VCPIP1: variants seen among roughly 807,000 people sequenced by gnomAD.
The protein encoded by VCPIP1 is deubiquitinating protein VCPIP1.
VCPIP1 carries 8 observed loss-of-function variants against 85.0 expected under a neutral mutation model. That is an observed-to-expected ratio of 0.09 (90% CI 0.06 to 0.17). VCPIP1 has a LOEUF of 0.17. Among genes scored for constraint, VCPIP1 ranks in the 10% least tolerant of loss-of-function variants. The probability of loss-of-function intolerance (pLI) is 1.00; values close to 1 mark genes in which losing one functional copy is unlikely to be tolerated. For synonymous variants in VCPIP1, 543 were observed against 544.5 expected, an observed-to-expected ratio of 1.00 and a Z score of 0.04; for missense variants, 1,070 against 1,486.3, an observed-to-expected ratio of 0.72 and a Z score of 4.61.
intron 2 of VCPIP1, among the ~76,000 whole-genome samples, chr8:66,641,442 C>T (rs1192452350): frequency 2.0e-5 from 3 of 152,172 alleles, no homozygotes; most frequent in African/African-American, 7.2e-5. Context: ...GCAATCATAG[C>T]TCACTGCGAT....
chr8:66,650,860 CAAAAAAAAAAAAAAAAAAA>C lies in VCPIP1; in HGVS notation c.2797+579_2797+597del, dbSNP rs770736039. 3.6e-4 allele frequency among the ~76,000 whole-genome samples: 5 copies of C among 13,916 alleles called. No homozygotes were observed. In the Admixed American group the frequency reaches 4.9e-3, roughly 14 times the overall value. 9.1% of individuals were successfully genotyped at this position (13,916 alleles called of 152,430 possible). ...GGGGGACAAGAGCAAGACTTCGTCT[CAAAAAAAAAAAAAAAAAAA>C]AAAAAAAAAAGAATCATACACATGG... On this transcript the variant is annotated intron_variant, in intron 2 of 2. Coordinates refer to ENST00000310421, the MANE Select transcript of VCPIP1 (RefSeq NM_025054.5).
At chr8:66,647,111 G>A (rs142087781) in intron 2 of VCPIP1, among the ~76,000 whole-genome samples, 303 of 152,286 alleles carry the variant, frequency 2.0e-3, no homozygotes, top group Non-Finnish European at 2.9e-3. Context: ...GGGAGGCCAA[G>A]GCGGATGGAC....
Position 66,666,640 on chromosome 8 carries a change from T to G in VCPIP1, c.319A>C (p.Thr107Pro). 1 of 1,614,154 alleles carries G rather than the reference T, an allele frequency of 6.2e-7. No individual in the cohort carries two copies. Among genetic ancestry groups the G allele is most frequent in the Non-Finnish European group, 8.5e-7 (1 of 1,180,026 alleles). Reference sequence around the variant, plus strand: ...TCCGTGTTCTTCTTGGGTGCCCCCGTAACCCCGAGCAGCGCGTTCCGCAGC... The same window carrying G: ...TCCGTGTTCTTCTTGGGTGCCCCCGGAACCCCGAGCAGCGCGTTCCGCAGC... ...NLLRNALLGVTGAPKKNTELV... is the reference protein window; with the variant it reads ...NLLRNALLGVPGAPKKNTELV... The change falls in exon 1 of 3, where the codon ACG becomes CCG. Residue 107 changes from threonine to proline, a missense_variant. This residue lies in a region of VCPIP1 where 164 missense variants were observed against 158.6 expected (regional missense o/e 1.03). Transcript: ENST00000310421. This position sits in a 1 kb window ranked among gnomAD's most constrained non-coding sequence, Gnocchi z 6.3.
chr8:66,651,584 A>G, intron 1 of VCPIP1, 40 bp from the exon 2 acceptor site: 1 of 1,545,434 alleles, frequency 6.5e-7, no homozygotes, highest in Non-Finnish European at 8.9e-7. Flanking sequence ...CAACAAACAA[A>G]AGAGTTCCAT....
At chr8:66,653,508 C>G (rs1811072307) in intron 1 of VCPIP1, 1 of 152,148 alleles carries the variant, frequency 6.6e-6, no homozygotes, top group Non-Finnish European at 1.5e-5. Context: ...ACTGACTGTT[C>G]AGTTACAGTT....
At position 66,630,976 on chromosome 8, in the gene VCPIP1, AT is replaced by A. The variant is rs1473548626; in HGVS notation, c.*3524del. 3 of 152,346 alleles carry A rather than the reference AT, an allele frequency of 2.0e-5. No homozygotes were observed. Among genetic ancestry groups the A allele is most frequent in the Non-Finnish European group, 2.9e-5 (2 of 67,988 alleles). The allele number at this position is 152,346 out of a possible 1,614,324, so 9.4% of individuals were successfully genotyped here. ...CTGTGAAGAGCCTTAAGGTTGTACA[AT>A]TTTGTTAAATTATATGATAACCTTG... On this transcript the variant is annotated 3_prime_UTR_variant, in exon 3 of 3. Coordinates refer to ENST00000310421, the MANE Select transcript of VCPIP1 (RefSeq NM_025054.5).
chr8:66,642,633 A>G (rs1479481086), intron 2 of VCPIP1, among the ~76,000 whole-genome samples: 4 of 152,208 alleles, frequency 2.6e-5, no homozygotes, highest in Admixed American at 2.6e-4. Flanking sequence ...TCAAACTTCA[A>G]TATTTTGCAT....
rs3808602 is a variant in VCPIP1, at chr8:66,665,435, G to A, written c.1524C>T (p.Tyr508=). 73,001 of 1,614,096 alleles carry A rather than the reference G, an allele frequency of 0.045. 6,763 individuals are homozygous for A. Among genetic ancestry groups the A allele is most frequent in the African/African-American group, 0.38 (28,500 of 74,958 alleles). Residue 508 remains tyrosine, a synonymous_variant, in exon 1 of 3, where the codon TAC becomes TAT. Coordinates refer to ENST00000310421, the MANE Select transcript of VCPIP1 (RefSeq NM_025054.5). This position sits in a 1 kb window ranked among gnomAD's most constrained non-coding sequence, Gnocchi z 4.3. ...AAACCAAATTGTTCAAGGGAAAGCT[G>A]TAATTTTTGTCAGTCCTCAGCTGTC... is the stretch of plus-strand genomic sequence containing the variant. ...THGQLRTDKN[Y]SFPLNNLVCS...
At chr8:66,663,759 T>A (rs1299861718) in intron 1 of VCPIP1, among the ~76,000 whole-genome samples, 1 of 152,198 alleles carries the variant, frequency 6.6e-6, no homozygotes. Flanking sequence ...AAAAATGTGA[T>A]GAACTGGGAA....
At chr8:66,662,658 G>A (rs969205761) in intron 1 of VCPIP1, among the ~76,000 whole-genome samples, 2 of 151,908 alleles carry the variant, frequency 1.3e-5, no homozygotes, top group Non-Finnish European at 2.9e-5. Flanking sequence ...GGAGATTGAA[G>A]GTCTTTTATT....
rs1322293762 is a variant in VCPIP1 at position 66,666,979 on chromosome 8, C to T, written c.-21G>A. 6.6e-7 allele frequency: 1 copy of T among 1,511,920 alleles called. No homozygotes were observed. The allele number at this position is 1,511,920 out of a possible 1,614,324, so 93.7% of individuals were successfully genotyped here. Reference sequence around the variant, plus strand: ...GACATAGCTCCTGGCTCTCGTGTCTCGCTCCGCGTCCCAGGCGACCCTCAA... The same window carrying T: ...GACATAGCTCCTGGCTCTCGTGTCTTGCTCCGCGTCCCAGGCGACCCTCAA... On this transcript the variant is annotated 5_prime_UTR_variant, in exon 1 of 3. Transcript: ENST00000310421. The surrounding 1 kb of genome is among the most constrained non-coding windows in gnomAD (Gnocchi z 6.3).
intron 2 of VCPIP1, among the ~76,000 whole-genome samples, chr8:66,648,526 AATCT>A (rs60409796): frequency 0.54 from 77,719 of 144,342 alleles, 21,303 homozygotes; most frequent in Admixed American, 0.59. Flanking sequence ...CTATGTATCT[AATCT>A]ATCTATCTAT....
intron 1 of VCPIP1, among the ~76,000 whole-genome samples, chr8:66,656,540 A>T (rs1041865367): frequency 6.6e-6 from 1 of 152,202 alleles, no homozygotes; most frequent in Admixed American, 6.5e-5. Context: ...TTTACTTTGC[A>T]ATTTATGAGG....
rs1170081545 is a variant in VCPIP1, at chr8:66,628,769, C to G, written c.*5732G>C. On this transcript the variant is annotated 3_prime_UTR_variant, in exon 3 of 3. Transcript: ENST00000310421. Reference sequence around the variant, plus strand: ...TGTTTTAGTTTACATGGGGCTCATACCCATGTCACTTGTCCCATCAGCACT... The same window carrying G: ...TGTTTTAGTTTACATGGGGCTCATAGCCATGTCACTTGTCCCATCAGCACT... 1.3e-5 allele frequency: 2 copies of G among 152,164 alleles called. No homozygotes were observed. The highest frequency in any genetic ancestry group is 4.8e-5 in the African/African-American group (2 of 41,420). The allele number at this position is 152,164 out of a possible 1,614,324, so 9.4% of individuals were successfully genotyped here.
intron 1 of VCPIP1, among the ~76,000 whole-genome samples, chr8:66,661,559 C>T (rs768853623): frequency 2.1e-4 from 32 of 151,784 alleles, no homozygotes; most frequent in Non-Finnish European, 4.6e-4. Context: ...CACGGTGAAA[C>T]CCTGTCTCTA....
rs1251891982 is a variant in VCPIP1, at chr8:66,635,160, A to T, written c.3010T>A (p.Leu1004Ile). 1 of 1,614,170 alleles carries T rather than the reference A, an allele frequency of 6.2e-7. No individual in the cohort carries two copies. The change falls in exon 3 of 3, where the codon TTA (leucine) becomes ATA (isoleucine). Residue 1004 changes from leucine (L) to isoleucine (I), a missense_variant. Physicochemically the swap from Leu to Ile is conservative, Grantham distance 5 (BLOSUM62 2). Transcript: ENST00000310421. ...ACTACTCCACCACTACCTAGTTTTA[A>T]TAGCCCATGTGAGGGACTTGATTCC... ...SRESSPSHGLLKLGSGGVVKK... is the reference protein window; with the variant it reads ...SRESSPSHGLIKLGSGGVVKK...
At position 66,634,580 on chromosome 8, in the gene VCPIP1, T is replaced by G; in HGVS notation, c.3590A>C (p.Asn1197Thr). The G allele has an allele frequency of 6.2e-7, 1 of 1,614,204 alleles. No homozygotes were observed. Among genetic ancestry groups the G allele is most frequent in the Non-Finnish European group, 8.5e-7 (1 of 1,180,038 alleles). ...CATCTCTTCAAGCTCCTCCACGGAA[T>G]TTCCCCTTTGTGCTTTTGACCTTGT... ...FATRSKAQRG[N>T]SVEELEEMDS... Residue 1197 changes from asparagine (N) to threonine (T), a missense_variant, in exon 3 of 3, where the codon AAT becomes ACT. Asn to Thr is a moderately conservative substitution (Grantham distance 65, BLOSUM62 0). Transcript: ENST00000310421.
At chr8:66,660,568 T>C (rs1811145668) in intron 1 of VCPIP1, among the ~76,000 whole-genome samples, 2 of 152,212 alleles carry the variant, frequency 1.3e-5, no homozygotes, top group South Asian at 4.1e-4. Flanking sequence ...TAACACAGCT[T>C]AGCTCACATT....
intron 2 of VCPIP1, 97 bp downstream of exon 2, chr8:66,651,360 CT>C: frequency 1.1e-6 from 1 of 918,574 alleles, no homozygotes. Flanking sequence ...CTAAAATTAA[CT>C]TTGAAAATAT....
Sources: allele counts gnomAD v4.1 joint callset (sites outside exome capture counted in the v4.1 genomes callset), GRCh38; gene constraint gnomAD v4.1.1; regional missense constraint gnomAD v4.1.1; non-coding constraint Gnocchi (gnomAD v3.1); transcripts MANE v1.5; gene names NCBI Gene and HGNC (gene_info 2026-07-23, HGNC 2026-07-21).